Variants in RNGTT observed in about 807,000 individuals in gnomAD.
RNGTT encodes the protein RNA guanylyltransferase and 5'-phosphatase.
Under a neutral mutation model 79.3 loss-of-function variants are expected in RNGTT, and 33 were observed. That is an observed-to-expected ratio of 0.42 (90% confidence interval 0.32 to 0.56). RNGTT has a LOEUF of 0.56. RNGTT is among the 20% of genes least tolerant of loss of function. RNGTT has a pLI of 0.17. For synonymous variants in RNGTT, 222 were observed against 235.9 expected (o/e 0.94, Z 0.54); for missense variants, 497 against 739.1 (o/e 0.67, Z 3.80).
chr6:88,617,806 C>A (rs9451031), intron 14 of RNGTT, among the ~76,000 whole-genome samples: 1 of 151,780 alleles, frequency 6.6e-6, no homozygotes, highest in Admixed American at 6.6e-5. Context: ...CCACAAGCAC[C>A]AATGTCTTTC....
Position 88,860,408 on chromosome 6 carries a change from G to A in RNGTT, c.897-6644C>T, listed in dbSNP as rs532782148. 6.6e-5 allele frequency among the ~76,000 whole-genome samples: 10 copies of A among 152,326 alleles called. No individual in the cohort carries two copies. In the East Asian group the frequency reaches 9.6e-4, roughly 15 times the overall value. On this transcript the variant is annotated intron_variant, in intron 8 of 15. Transcript: ENST00000369485. ...CCTACCCCTAGCAGGCTGGAAATAG[G>A]CTCAGGATCTAGACCAGACTATCCA...
At chr6:88,641,151 C>T (rs1773301363) in intron 14 of RNGTT, among the ~76,000 whole-genome samples, 1 of 151,876 alleles carries the variant, frequency 6.6e-6, no homozygotes, top group Non-Finnish European at 1.5e-5. Flanking sequence ...CCAGAGTGGC[C>T]AAGATAGTGA....
chr6:88,820,181 A>G (rs1165422561), intron 11 of RNGTT, among the ~76,000 whole-genome samples: 1 of 152,158 alleles, frequency 6.6e-6, no homozygotes, highest in African/African-American at 2.4e-5. Context: ...GAAAAAGTCT[A>G]ATTTTAACAA....
At chr6:88,865,123 A>G (rs1391825537) in intron 8 of RNGTT, among the ~76,000 whole-genome samples, 1 of 152,132 alleles carries the variant, frequency 6.6e-6, no homozygotes, top group Non-Finnish European at 1.5e-5. Context: ...AAAATTAAAG[A>G]AAAGAATTAA....
At chr6:88,694,676 C>G (rs1356134753) in intron 13 of RNGTT, among the ~76,000 whole-genome samples, 2 of 152,114 alleles carry the variant, frequency 1.3e-5, no homozygotes, top group Admixed American at 6.5e-5. Flanking sequence ...AGGTATCACA[C>G]TACTACTAAT....
intron 11 of RNGTT, among the ~76,000 whole-genome samples, chr6:88,835,350 T>TCCC (rs1781027848): frequency 6.6e-6 from 1 of 151,988 alleles, no homozygotes; most frequent in African/African-American, 2.4e-5. Context: ...CACAACTGAC[T>TCCC]CCCTCTAAGG....
chr6:88,945,096 C>T (rs1784963233), intron 1 of RNGTT, among the ~76,000 whole-genome samples: 1 of 152,206 alleles, frequency 6.6e-6, no homozygotes, highest in Admixed American at 6.5e-5. Flanking sequence ...CCCCTGCCTC[C>T]TTCTCAGGTC....
chr6:88,802,083 A>G (rs1779807867), intron 11 of RNGTT, among the ~76,000 whole-genome samples: 1 of 152,190 alleles, frequency 6.6e-6, no homozygotes, highest in African/African-American at 2.4e-5. Flanking sequence ...AAGCAAAGAA[A>G]TACTTGGGGA....
chr6:88,638,327 G>A (rs1206823948), intron 14 of RNGTT, among the ~76,000 whole-genome samples: 1 of 152,040 alleles, frequency 6.6e-6, no homozygotes, highest in Non-Finnish European at 1.5e-5. Flanking sequence ...ATATGTATGT[G>A]GATGGTTTTA....
chr6:88,779,567 C>A (rs1167191466), intron 12 of RNGTT, among the ~76,000 whole-genome samples: 2 of 152,130 alleles, frequency 1.3e-5, no homozygotes, highest in Non-Finnish European at 2.9e-5. Context: ...TGTTTTTACA[C>A]AGCAATAATT....
chr6:88,872,186 T>C (rs1384179582), intron 8 of RNGTT, among the ~76,000 whole-genome samples: 2 of 152,170 alleles, frequency 1.3e-5, no homozygotes, highest in African/African-American at 4.8e-5. Context: ...TAATCTATGT[T>C]TTGTCAGTTT....
intron 8 of RNGTT, among the ~76,000 whole-genome samples, chr6:88,873,852 T>C (rs1782430641): frequency 6.6e-6 from 1 of 152,160 alleles, no homozygotes; most frequent in South Asian, 2.1e-4. Context: ...ACTACTACCA[T>C]TAATAATAAG....
At chr6:88,719,365 G>C (rs1305184160) in intron 13 of RNGTT, among the ~76,000 whole-genome samples, 1 of 152,118 alleles carries the variant, frequency 6.6e-6, no homozygotes, top group African/African-American at 2.4e-5. Flanking sequence ...TATTCCTTCT[G>C]TGGTTCAACT....
intron 14 of RNGTT, among the ~76,000 whole-genome samples, chr6:88,619,450 G>A (rs1772362351): frequency 6.6e-6 from 1 of 152,210 alleles, no homozygotes; most frequent in Non-Finnish European, 1.5e-5. Context: ...TTACATGGGT[G>A]AGCCACTGCA....
At chr6:88,649,369 T>C (rs1419522383) in intron 14 of RNGTT, among the ~76,000 whole-genome samples, 1 of 152,186 alleles carries the variant, frequency 6.6e-6, no homozygotes, top group Non-Finnish European at 1.5e-5. Context: ...CAGTTCATTT[T>C]AATGTAAAAG....
At chr6:88,706,829 C>T (rs1333834119) in intron 13 of RNGTT, among the ~76,000 whole-genome samples, 1 of 151,802 alleles carries the variant, frequency 6.6e-6, no homozygotes, top group Admixed American at 6.6e-5. Flanking sequence ...TTTAGATACA[C>T]ACTTTAAAAA....
chr6:88,688,352 G>A (rs1197785657), intron 13 of RNGTT, among the ~76,000 whole-genome samples: 1 of 152,190 alleles, frequency 6.6e-6, no homozygotes, highest in Non-Finnish European at 1.5e-5. Flanking sequence ...ACAGATGGAA[G>A]AAGAAATAAA....
At chr6:88,649,398 T>C (rs999135504) in intron 14 of RNGTT, among the ~76,000 whole-genome samples, 14 of 152,308 alleles carry the variant, frequency 9.2e-5, no homozygotes, top group Middle Eastern at 6.8e-3. Context: ...ATCGAATTAA[T>C]GCAGCATAAA....
At chr6:88,841,489 C>T (rs981670574) in intron 11 of RNGTT, among the ~76,000 whole-genome samples, 1 of 152,072 alleles carries the variant, frequency 6.6e-6, no homozygotes, top group Non-Finnish European at 1.5e-5. Flanking sequence ...TCATAACCAC[C>T]CTCCTCCCAA....
Sources: gnomAD v4.1 joint callset for allele counts (sites outside exome capture counted in the v4.1 genomes callset) on GRCh38, gnomAD v4.1.1 for gene constraint, MANE v1.5 for transcripts, NCBI Gene and HGNC (gene_info 2026-07-23, HGNC 2026-07-21) for gene names.